VGLL1: variants seen among roughly 807,000 people sequenced by gnomAD.
VGLL1 encodes the protein transcription cofactor vestigial-like protein 1.
Under a neutral mutation model 12.0 loss-of-function variants are expected in VGLL1, and 4 were observed. The observed-to-expected ratio is 0.33, with a 90% CI of 0.16 to 0.76. The LOEUF is 0.76. VGLL1 is among the 30% of genes least tolerant of loss of function. The pLI is 0.60. For missense variants in VGLL1, 204 were observed against 208.7 expected (o/e 0.98, Z 0.14); for synonymous variants, 87 against 81.2 (o/e 1.07, Z -0.39).
At chrX:136,546,116 G>A (rs2075868999) in intron 2 of VGLL1, among the ~76,000 whole-genome samples, 1 of 111,447 alleles carries the variant, frequency 9.0e-6, no homozygotes, top group South Asian at 3.8e-4. Context: ...TGTGGTCAGG[G>A]GCTTGAGAAG....
intron 2 of VGLL1, 112 bp from the exon 3 acceptor site, chrX:136,548,477 T>C: frequency 1.3e-6 from 1 of 782,360 alleles, no homozygotes. Flanking sequence ...TTATTTTAGC[T>C]TTTCTGTATT....
At chrX:136,542,502 G>A (rs1185046179) in intron 2 of VGLL1, among the ~76,000 whole-genome samples, 1 of 112,531 alleles carries the variant, frequency 8.9e-6, no homozygotes, top group Non-Finnish European at 1.9e-5. Flanking sequence ...ACTGAGAGGG[G>A]TACGGTGTGC....
Position 136,548,635 on chromosome X carries a change from A to T in VGLL1, c.261A>T (p.Thr87=), listed in dbSNP as rs1330802539. The change falls in exon 3 of 5, where the codon ACA becomes ACT. Residue 87 remains threonine, a synonymous_variant. Coordinates refer to ENST00000370634, the MANE Select transcript of VGLL1 (RefSeq NM_016267.4). ...AGTGGCGTTACTCGTCTCCATGGAC[A>T]AAGCCACAACCAGAAGTACCTGTCA... is the stretch of plus-strand genomic sequence containing the variant. ...PNQWRYSSPW[T]KPQPEVPVTN... is the part of the protein sequence containing the mutation. 1.7e-6 allele frequency: 2 copies of T among 1,210,537 alleles called. No homozygotes were observed. Among genetic ancestry groups the T allele is most frequent in the Admixed American group, 4.4e-5 (2 of 45,909 alleles).
chrX:136,548,278 G>A (rs1473687285), intron 2 of VGLL1, among the ~76,000 whole-genome samples: 1 of 111,981 alleles, frequency 8.9e-6, no homozygotes, highest in African/African-American at 3.3e-5. Flanking sequence ...TGGGATTACA[G>A]GCATGAGCCA....
intron 1 of VGLL1, among the ~76,000 whole-genome samples, chrX:136,532,649 CTTTCTTTCTTTCTTTT>C (rs1569359233): frequency 1.9e-5 from 1 of 51,627 alleles, no homozygotes; most frequent in Non-Finnish European, 3.9e-5. Flanking sequence ...TTCTTTCTTT[CTTTCTTTCTTTCTTTT>C]TCTTTCTTTC....
At chrX:136,532,571 ATATTTCTTTCTTTCT>A in intron 1 of VGLL1, among the ~76,000 whole-genome samples, 1 of 93,209 alleles carries the variant, frequency 1.1e-5, no homozygotes, top group East Asian at 3.5e-4. Flanking sequence ...CTGTGCTCAA[ATATTTCTTTCTTTCT>A]TTCTTTCTTT....
intron 2 of VGLL1, among the ~76,000 whole-genome samples, chrX:136,548,253 G>A (rs1188551919): frequency 5.4e-5 from 6 of 111,687 alleles, no homozygotes; most frequent in Non-Finnish European, 9.4e-5. Context: ...TGCCCAACTC[G>A]GCCTCCCAAG....
In VGLL1 at chrX:136,548,579, T is replaced by TC. The variant is rs747372696; in HGVS notation, c.215-8dup. On this transcript the variant is annotated splice_polypyrimidine_tract_variant and intron_variant, in intron 2 of 4. Coordinates refer to ENST00000370634, the MANE Select transcript of VGLL1 (RefSeq NM_016267.4). ...ACACCTAACATGTCTTCTAAATCTTTCCTTCTCAGATGATAGCATGTCTCC... is the reference window on the plus strand; with the variant it reads ...ACACCTAACATGTCTTCTAAATCTTTCCCTTCTCAGATGATAGCATGTCTCC... 6.7e-5 allele frequency: 81 copies of TC among 1,201,979 alleles called. No homozygotes were observed. In the African/African-American group the frequency reaches 1.4e-3, roughly 20 times the overall value.
intron 2 of VGLL1, among the ~76,000 whole-genome samples, chrX:136,547,139 T>C (rs975595951): frequency 2.7e-5 from 3 of 112,462 alleles, no homozygotes; most frequent in African/African-American, 9.7e-5. Flanking sequence ...AGAGGACCAG[T>C]GTCCCAGACA....
intron 2 of VGLL1, among the ~76,000 whole-genome samples, chrX:136,543,527 C>T (rs927614483): frequency 9.9e-5 from 11 of 111,218 alleles, no homozygotes; most frequent in Non-Finnish European, 1.5e-4. Flanking sequence ...TTCCTGTAAT[C>T]GCAGCACTTT....
intron 4 of VGLL1, chrX:136,551,095 C>CTT (rs371773957): frequency 1.2e-5 from 3 of 254,985 alleles, no homozygotes; most frequent in African/African-American, 6.0e-5. Flanking sequence ...TTCTTTCTTT[C>CTT]TTTTTTTTTT....
rs776914693 is a variant in VGLL1, at chrX:136,552,050, G to T, written c.688+1229G>T. Among the ~76,000 whole-genome samples the T allele has an allele frequency of 9.5e-4, 106 of 111,878 alleles. 2 individuals carry two copies. The highest frequency in any genetic ancestry group is 3.3e-3 in the African/African-American group (102 of 30,759). On this transcript the variant is annotated intron_variant, in intron 4 of 4. Transcript: ENST00000370634. ...CCCACTAGAATGTCAACCCCATGAG[G>T]ACTGAGACTTTGAGAGGTATACCAC...
At chrX:136,544,833 G>T (rs1173610183) in intron 2 of VGLL1, among the ~76,000 whole-genome samples, 2 of 112,001 alleles carry the variant, frequency 1.8e-5, no homozygotes, top group Non-Finnish European at 3.8e-5. Flanking sequence ...TGCTGCTGCT[G>T]CCTCTGCTGC....
chrX:136,545,121 A>G (rs1003153554), intron 2 of VGLL1, among the ~76,000 whole-genome samples: 7 of 112,462 alleles, frequency 6.2e-5, no homozygotes, highest in African/African-American at 2.3e-4. Flanking sequence ...ATTCAATCTC[A>G]TAACAGTCTC....
intron 2 of VGLL1, among the ~76,000 whole-genome samples, 176 bp downstream of exon 2, chrX:136,536,410 A>G (rs2075839973): frequency 8.9e-6 from 1 of 111,747 alleles, no homozygotes; most frequent in Admixed American, 9.4e-5. Context: ...TGGGGCTGCC[A>G]TCTACTGCTC....
rs370838496 is a variant in VGLL1 at position 136,554,358 on chromosome X, C to T, written c.689-2093C>T. ...GGAGGAAATTGTCCCTGCAAAAGCC[C>T]GAGATGTGTGTGAAGAATGGAAAAA... On this transcript the variant is annotated intron_variant, in intron 4 of 4. Transcript: ENST00000370634. Among the ~76,000 whole-genome samples the T allele has an allele frequency of 1.4e-4, 15 of 107,478 alleles. 2 individuals are homozygous for T. Among genetic ancestry groups the T allele is most frequent in the East Asian group, 8.7e-4 (3 of 3,461 alleles). The allele number at this position is 107,478 out of a possible 115,157, so 93.3% of individuals were successfully genotyped here. A position where few individuals can be genotyped will look rare whatever the true frequency, so the allele number is the denominator to read the frequency against.
At chrX:136,550,864 T>G (rs1290867595) in intron 4 of VGLL1, 43 bp downstream of exon 4, 2 of 1,136,384 alleles carry the variant, frequency 1.8e-6, no homozygotes, top group East Asian at 6.0e-5. Context: ...GTCTGTATCC[T>G]GAGAACGAAC....
intron 2 of VGLL1, among the ~76,000 whole-genome samples, chrX:136,542,771 C>T (rs2055156721): frequency 8.9e-6 from 1 of 112,242 alleles, no homozygotes; most frequent in South Asian, 3.7e-4. Flanking sequence ...ATCTCCAGAG[C>T]CAGTCTCTTG....
At chrX:136,550,695 G>A in intron 3 of VGLL1, 73 bp from the exon 4 acceptor site, 1 of 874,156 alleles carries the variant, frequency 1.1e-6, no homozygotes, top group South Asian at 2.3e-5. Flanking sequence ...GGGGCCCCTG[G>A]AATGCTACTG....
Sources: allele counts gnomAD v4.1 joint callset (sites outside exome capture counted in the v4.1 genomes callset), GRCh38; gene constraint gnomAD v4.1.1; transcripts MANE v1.5; gene names NCBI Gene and HGNC (gene_info 2026-07-23, HGNC 2026-07-21).